RGL1: variants seen among roughly 807,000 people sequenced by gnomAD.
RGL1 encodes the protein ral guanine nucleotide dissociation stimulator-like 1.
A neutral mutation model predicts 95.2 loss-of-function variants in RGL1; 24 were observed. The ratio of observed to expected loss-of-function variants is 0.25; its 90% CI spans 0.18 to 0.35. The LOEUF is 0.35. Among genes scored for constraint, RGL1 ranks in the 10% least tolerant of loss-of-function variants. The pLI, the probability that RGL1 is intolerant of heterozygous loss-of-function variation, is 1.00. For missense variants in RGL1, 715 were observed against 936.3 expected (o/e 0.76, Z 3.08); for synonymous variants, 329 against 344.9 (o/e 0.95, Z 0.51).
At chr1:183,842,780 AG>A (rs1664151860) in intron 2 of RGL1, among the ~76,000 whole-genome samples, 1 of 152,228 alleles carries the variant, frequency 6.6e-6, no homozygotes, top group African/African-American at 2.4e-5. Context: ...TTGTCTGACA[AG>A]GGTTCCACCC....
intron 8 of RGL1, among the ~76,000 whole-genome samples, chr1:183,891,812 T>C (rs1038637507): frequency 1.4e-5 from 2 of 145,372 alleles, no homozygotes; most frequent in Non-Finnish European, 3.0e-5. Flanking sequence ...GATGCCCCAA[T>C]TGAATAATCC....
At chr1:183,892,243 T>C (rs554550951) in intron 9 of RGL1, 82 bp downstream of exon 9, 121 of 1,012,790 alleles carry the variant, frequency 1.2e-4, no homozygotes, top group Non-Finnish European at 1.7e-4. Context: ...GAGGGCTCCT[T>C]AAGTTCCTTC....
At chr1:183,809,123 T>C (rs1046461226) in intron 2 of RGL1, among the ~76,000 whole-genome samples, 1 of 152,250 alleles carries the variant, frequency 6.6e-6, no homozygotes, top group African/African-American at 2.4e-5. Flanking sequence ...ATTGAAGATA[T>C]GAAGATACGT....
intron 2 of RGL1, among the ~76,000 whole-genome samples, chr1:183,831,301 C>T (rs1163921311): frequency 6.6e-6 from 1 of 152,122 alleles, no homozygotes; most frequent in South Asian, 2.1e-4. Context: ...AAGATCCTTC[C>T]ATGAGAATGA....
intron 3 of RGL1, among the ~76,000 whole-genome samples, chr1:183,862,599 T>C (rs1665577614): frequency 6.6e-6 from 1 of 152,252 alleles, no homozygotes; most frequent in South Asian, 2.1e-4. Context: ...TAATCACAGC[T>C]ATCTTAAAAC....
At chr1:183,893,548 G>T (rs1214367349) in intron 9 of RGL1, among the ~76,000 whole-genome samples, 1 of 152,236 alleles carries the variant, frequency 6.6e-6, no homozygotes, top group African/African-American at 2.4e-5. Flanking sequence ...AAATCAGGTA[G>T]AGGTGGGGTT....
At chr1:183,731,376 G>A (rs1300954087) in intron 1 of RGL1, among the ~76,000 whole-genome samples, 1 of 152,132 alleles carries the variant, frequency 6.6e-6, no homozygotes, top group Admixed American at 6.6e-5. Context: ...CTCTTGAAGG[G>A]CAGGGCAGAG....
intron 2 of RGL1, among the ~76,000 whole-genome samples, chr1:183,835,352 CTT>C (rs1663572943): frequency 6.6e-6 from 1 of 152,106 alleles, no homozygotes; most frequent in South Asian, 2.1e-4. Flanking sequence ...AGGAAACTGT[CTT>C]TTGACTAGAG....
chr1:183,707,346 G>A (rs923019507), intron 1 of RGL1, among the ~76,000 whole-genome samples: 2 of 152,182 alleles, frequency 1.3e-5, no homozygotes, highest in Non-Finnish European at 2.9e-5. Flanking sequence ...ATAAGAGGTA[G>A]GATCTTCTGG....
At chr1:183,738,558 C>A (rs1473063822) in intron 1 of RGL1, among the ~76,000 whole-genome samples, 1 of 152,090 alleles carries the variant, frequency 6.6e-6, no homozygotes, top group Non-Finnish European at 1.5e-5. Context: ...AGACTTCTAG[C>A]TCTTTTTAGC....
At chr1:183,894,374 T>C (rs929689762) in intron 9 of RGL1, among the ~76,000 whole-genome samples, 1 of 152,228 alleles carries the variant, frequency 6.6e-6, no homozygotes, top group Admixed American at 6.5e-5. Context: ...TTAAATTTCT[T>C]ATAGATATGA....
intron 1 of RGL1, among the ~76,000 whole-genome samples, chr1:183,737,256 T>G (rs1386313399): frequency 2.0e-5 from 3 of 152,144 alleles, no homozygotes; most frequent in Admixed American, 6.5e-5. Flanking sequence ...ATACTTAACG[T>G]TTTCAAGATT....
intron 2 of RGL1, among the ~76,000 whole-genome samples, chr1:183,827,662 T>TTTTACCCTTCTCCACAG (rs1313321476): frequency 6.6e-6 from 1 of 152,248 alleles, no homozygotes; most frequent in Non-Finnish European, 1.5e-5. Context: ...CTCCTACACA[T>TTTTACCCTTCTCCACAG]TTTACCCTTC....
At chr1:183,725,517 G>C (rs528851305) in intron 1 of RGL1, among the ~76,000 whole-genome samples, 140 of 151,982 alleles carry the variant, frequency 9.2e-4, no homozygotes, top group Non-Finnish European at 1.7e-3. Flanking sequence ...GAAAAGCTGG[G>C]AAAAGATAAA....
At chr1:183,655,744 T>C (rs1350452022) in intron 1 of RGL1, among the ~76,000 whole-genome samples, 1 of 152,204 alleles carries the variant, frequency 6.6e-6, no homozygotes, top group African/African-American at 2.4e-5. Flanking sequence ...GACTTTCTCT[T>C]AGAATTCCTC....
chr1:183,900,500 T>C (rs1667953573), intron 11 of RGL1, among the ~76,000 whole-genome samples: 1 of 152,036 alleles, frequency 6.6e-6, no homozygotes, highest in African/African-American at 2.4e-5. Flanking sequence ...ACATGGGAGA[T>C]GACAATTATT....
In RGL1 at chr1:183,673,183, G is replaced by T. The variant is rs1023350859; in HGVS notation, c.-33+36682G>T. Among the ~76,000 whole-genome samples the T allele has an allele frequency of 2.0e-5, 3 of 152,172 alleles. No homozygotes were observed. In the East Asian group the frequency reaches 5.8e-4, roughly 29 times the overall value. ...GCATCAGTGTTTTTAAAACCTCACA[G>T]TCAAGATTGAGAACCATTGCTCTAG... On this transcript the variant is annotated intron_variant, in intron 1 of 18. Coordinates refer to the RGL1 transcript ENST00000304685.
intron 1 of RGL1, among the ~76,000 whole-genome samples, chr1:183,730,224 A>AG (rs1656550764): frequency 6.6e-6 from 1 of 152,182 alleles, no homozygotes; most frequent in African/African-American, 2.4e-5. Flanking sequence ...CATAGTATAA[A>AG]GCCTGTTCCA....
intron 1 of RGL1, among the ~76,000 whole-genome samples, chr1:183,705,226 A>C (rs1275753719): frequency 6.6e-6 from 1 of 151,958 alleles, no homozygotes; most frequent in Non-Finnish European, 1.5e-5. Flanking sequence ...TTTCTTGCTT[A>C]GTTTGTGGAG....
Sources: allele counts gnomAD v4.1 joint callset (sites outside exome capture counted in the v4.1 genomes callset), GRCh38; gene constraint gnomAD v4.1.1; transcripts MANE v1.5; gene names NCBI Gene and HGNC (gene_info 2026-07-23, HGNC 2026-07-21).